The following NOS2 variants were observed in gnomAD, a reference collection of about 807,000 sequenced individuals.
The protein encoded by NOS2 is nitric oxide synthase, inducible.
A neutral mutation model predicts 136.0 loss-of-function variants in NOS2; 96 were observed. The ratio of observed to expected loss-of-function variants is 0.71; its 90% CI spans 0.60 to 0.84. The LOEUF (loss-of-function observed/expected upper bound fraction) is 0.84. Ranked by LOEUF, NOS2 falls within the 40% of genes least tolerant of loss-of-function variation. NOS2 has a pLI of 0.00. For missense variants in NOS2, 1,237 were observed against 1,496.9 expected (o/e 0.83, Z 2.87); for synonymous variants, 539 against 587.5 (o/e 0.92, Z 1.20).
At position 27,760,131 on chromosome 17, in the gene NOS2, C is replaced by A. The variant is rs1430833104; in HGVS notation, c.3058G>T (p.Asp1020Tyr). The A allele has an allele frequency of 6.2e-7, 1 of 1,605,812 alleles. No homozygotes were observed. Among genetic ancestry groups the A allele is most frequent in the African/African-American group, 1.3e-5 (1 of 74,648 alleles). ...MTLVFGCRRP[D>Y]EDHIYQEEML... ...TCCTCCTGGTAGATGTGGTCCTCAT[C>A]TGGGCGGCGGCACCCAAACACCAAG... Residue 1020 changes from aspartate (D) to tyrosine (Y), a missense_variant, in exon 25 of 27, where the codon GAT becomes TAT. Around this residue, in one of 3 missense-constraint regions of NOS2, gnomAD observed 782 missense variants for 909.9 expected, o/e 0.86. Coordinates refer to ENST00000313735, the MANE Select transcript of NOS2 (RefSeq NM_000625.4).
intron 5 of NOS2, among the ~76,000 whole-genome samples, chr17:27,786,955 T>C (rs1341926798): frequency 6.6e-6 from 1 of 152,256 alleles, no homozygotes; most frequent in Non-Finnish European, 1.5e-5. Flanking sequence ...CAGTGCCTGA[T>C]GTGTGTCTGT....
Position 27,781,191 on chromosome 17 carries a change from G to C in NOS2, c.723-14C>G. The C allele has an allele frequency of 6.2e-7, 1 of 1,600,726 alleles. No individual in the cohort carries two copies. The highest frequency in any genetic ancestry group is 8.5e-7 in the Non-Finnish European group (1 of 1,178,388). On this transcript the variant is annotated splice_polypyrimidine_tract_variant and intron_variant, in intron 7 of 26. Transcript: ENST00000313735. The stretch of plus-strand genomic sequence containing the variant: ...GTGATGGCCGACCTTCCCAGGACAG[G>C]AACAGTACTGTTTACCACCTAGCCC...
chr17:27,793,289 C>T (rs28998823), intron 2 of NOS2, among the ~76,000 whole-genome samples: 113 of 152,210 alleles, frequency 7.4e-4, no homozygotes, highest in Middle Eastern at 3.4e-3. Flanking sequence ...AAGAGTGTAG[C>T]AACTTTCAAC....
chr17:27,772,599 G>C lies in NOS2; in HGVS notation c.1560-147C>G. 4.6e-6 allele frequency: 4 copies of C among 861,740 alleles called. No homozygotes were observed. In the East Asian group the frequency reaches 1.1e-4, roughly 23 times the overall value. 53.4% of individuals were successfully genotyped at this position (861,740 alleles called of 1,614,324 possible). On this transcript the variant is annotated intron_variant, in intron 13 of 26. Coordinates refer to ENST00000313735, the MANE Select transcript of NOS2 (RefSeq NM_000625.4). Reference sequence around the variant, plus strand: ...CTACGTTTCTCACCAGCCATGTACCGTGACAACTCACCCTTTTCCTCCCCT... The same window carrying C: ...CTACGTTTCTCACCAGCCATGTACCCTGACAACTCACCCTTTTCCTCCCCT...
chr17:27,768,855 G>T, intron 17 of NOS2, 122 bp downstream of exon 17: 2 of 1,118,178 alleles, frequency 1.8e-6, no homozygotes, highest in Non-Finnish European at 2.5e-6. Flanking sequence ...CCCATGCCTG[G>T]GACCACATCT....
intron 2 of NOS2, 107 bp downstream of exon 2, chr17:27,798,593 C>A (rs1000160472): frequency 5.5e-6 from 4 of 733,802 alleles, no homozygotes; most frequent in African/African-American, 3.4e-5. Flanking sequence ...GGAGATCAGA[C>A]CTCAGGTGAG....
rs1908114283 is a variant in NOS2, at chr17:27,761,161, C to T, written c.2871G>A (p.Val957=). ...GTGCTTACTTCCGCACAAAGCAGGGCACTGGGTCTTGGGGCTTCAGGCTGT... is the reference window on the plus strand; with the variant it reads ...GTGCTTACTTCCGCACAAAGCAGGGTACTGGGTCTTGGGGCTTCAGGCTGT... ...WLNSLKPQDP[V]PCFVRNASGF... Residue 957 remains valine (V), a synonymous_variant, in exon 23 of 27, where the codon GTG becomes GTA. Coordinates refer to ENST00000313735, the MANE Select transcript of NOS2 (RefSeq NM_000625.4). 1.2e-6 allele frequency: 2 copies of T among 1,605,170 alleles called. No individual in the cohort carries two copies. The highest frequency in any genetic ancestry group is 1.7e-6 in the Non-Finnish European group (2 of 1,176,490).
chr17:27,759,163 G>A (rs1908028921), intron 25 of NOS2, 88 bp from the exon 26 acceptor site: 2 of 950,208 alleles, frequency 2.1e-6, no homozygotes, highest in South Asian at 3.7e-5. Context: ...GAGGCGGGGA[G>A]AGGGGCACTA....
chr17:27,759,675 C>T (rs570639198), intron 25 of NOS2, among the ~76,000 whole-genome samples: 2 of 152,238 alleles, frequency 1.3e-5, no homozygotes, highest in Admixed American at 6.5e-5. Context: ...CTCTGATGGC[C>T]GTGGTGGAAG....
At chr17:27,773,516 G>A (rs892705036) in intron 12 of NOS2, among the ~76,000 whole-genome samples, 27 of 152,318 alleles carry the variant, frequency 1.8e-4, no homozygotes, top group African/African-American at 5.8e-4. Context: ...GGAACAGGCT[G>A]CACTCCTTTT....
chr17:27,773,365 C>G, intron 12 of NOS2, 122 bp from the exon 13 acceptor site: 2 of 697,904 alleles, frequency 2.9e-6, no homozygotes, highest in South Asian at 3.6e-5. Context: ...GGCTGGCCTG[C>G]GCCCCACCCC....
At chr17:27,786,691 T>A (rs1328132955) in intron 5 of NOS2, among the ~76,000 whole-genome samples, 2 of 152,162 alleles carry the variant, frequency 1.3e-5, no homozygotes, top group Non-Finnish European at 2.9e-5. Flanking sequence ...TCCCGCCAAC[T>A]ACCCTCCTCC....
At chr17:27,794,763 A>G (rs1483167121) in intron 2 of NOS2, among the ~76,000 whole-genome samples, 1 of 151,022 alleles carries the variant, frequency 6.6e-6, no homozygotes, top group Non-Finnish European at 1.5e-5. Flanking sequence ...TCATTTCCTA[A>G]TTGTTTACGA....
Position 27,757,866 on chromosome 17 carries a change from G to A in NOS2, c.3355-513C>T, listed in dbSNP as rs185059171. 1.9e-3 allele frequency among the ~76,000 whole-genome samples: 295 copies of A among 152,200 alleles called. 2 individuals are homozygous for A. Among genetic ancestry groups the A allele is most frequent in the African/African-American group, 5.7e-3 (238 of 41,528 alleles). On this transcript the variant is annotated intron_variant, in intron 26 of 26. Coordinates refer to ENST00000313735, the MANE Select transcript of NOS2 (RefSeq NM_000625.4). ...TATCTCCTCACTGTTCTTCAAACAC[G>A]CCAGCTTAACTCCCACCCCCGGGGC...
chr17:27,775,537 G>A (rs943068050), intron 11 of NOS2, among the ~76,000 whole-genome samples: 11 of 152,168 alleles, frequency 7.2e-5, no homozygotes, highest in African/African-American at 2.2e-4. Flanking sequence ...GGGAGGCGGA[G>A]GTTGCAGTGA....
chr17:27,795,213 T>C (rs28998812), intron 2 of NOS2, among the ~76,000 whole-genome samples: 15 of 152,372 alleles, frequency 9.8e-5, no homozygotes, highest in Admixed American at 9.8e-4. Context: ...TGGGTCATTT[T>C]TCTCTGTCTC....
chr17:27,781,100 T>G lies in NOS2; in HGVS notation c.800A>C (p.Tyr267Ser). 1 of 1,613,716 alleles carries G rather than the reference T, an allele frequency of 6.2e-7. No homozygotes were observed. Among genetic ancestry groups the G allele is most frequent in the Non-Finnish European group, 8.5e-7 (1 of 1,180,038 alleles). ...FRVWNAQLIR[Y>S]AGYQMPDGSI... ...GCCATCTGGCATCTGGTAGCCAGCA[T>G]AGCGGATGAGCTGAGCATTCCACAC... The change falls in exon 8 of 27, where the codon TAT becomes TCT. Residue 267 changes from tyrosine to serine, a missense_variant. Tyr to Ser is a moderately radical substitution (Grantham distance 144, BLOSUM62 -2). This residue lies in a region of NOS2 where 440 missense variants were observed against 545.4 expected (regional missense o/e 0.81). Transcript: ENST00000313735.
rs778148076 is a variant in NOS2 at position 27,766,518 on chromosome 17, C to T, written c.2238G>A (p.Pro746=). 3.1e-6 allele frequency: 5 copies of T among 1,613,788 alleles called. No homozygotes were observed. The highest frequency in any genetic ancestry group is 2.2e-5 in the East Asian group (1 of 44,882). ...CCTGCACTTTCCCTTACCTGGATGT[C>T]GGACTTTGTAGATTCTGCCGAGATT... ...RLKSRQNLQS[P]TSSRATILVE... Residue 746 remains proline (P), a synonymous_variant, in exon 19 of 27, where the codon CCG becomes CCA. Coordinates refer to ENST00000313735, the MANE Select transcript of NOS2 (RefSeq NM_000625.4).
rs758684844 is a variant in NOS2, at chr17:27,772,464, G to A, written c.1560-12C>T. The A allele has an allele frequency of 1.2e-6, 2 of 1,613,616 alleles. No homozygotes were observed. ...CAAAGAGCACAGCTCTGTGGGGACA[G>A]ACAGACAGGCAGGCGCTGTGTGCTG... On this transcript the variant is annotated splice_polypyrimidine_tract_variant and intron_variant, in intron 13 of 26. Coordinates refer to ENST00000313735, the MANE Select transcript of NOS2 (RefSeq NM_000625.4).
Sources: allele counts gnomAD v4.1 joint callset (sites outside exome capture counted in the v4.1 genomes callset), GRCh38; gene constraint gnomAD v4.1.1; regional missense constraint gnomAD v4.1.1; transcripts MANE v1.5; gene names NCBI Gene and HGNC (gene_info 2026-07-23, HGNC 2026-07-21).